The following EDNRA variants were observed in gnomAD, a reference collection of about 807,000 sequenced individuals.
EDNRA encodes the protein endothelin receptor type A.
A neutral mutation model predicts 41.4 loss-of-function variants in EDNRA; 11 were observed. That is an observed-to-expected ratio of 0.27 (90% CI 0.17 to 0.44). The LOEUF is 0.44. Among genes scored for constraint, EDNRA ranks in the 20% least tolerant of loss-of-function variants. The probability of loss-of-function intolerance (pLI) is 1.00; values close to 1 mark genes in which losing one functional copy is unlikely to be tolerated. For missense variants in EDNRA, 294 were observed against 531.0 expected, an observed-to-expected ratio of 0.55 and a Z score of 4.39; for synonymous variants, 172 against 183.0, an observed-to-expected ratio of 0.94 and a Z score of 0.49.
chr4:147,532,368 C>T, intron 3 of EDNRA, 138 bp from the exon 4 acceptor site: 1 of 553,370 alleles, frequency 1.8e-6, no homozygotes, highest in South Asian at 2.1e-5. Flanking sequence ...GGTTTTCATA[C>T]CAAGACTCAG....
At chr4:147,516,335 C>T (rs928099859) in intron 2 of EDNRA, among the ~76,000 whole-genome samples, 4 of 152,212 alleles carry the variant, frequency 2.6e-5, no homozygotes, top group South Asian at 2.1e-4. Context: ...ACAGTATTCT[C>T]CCACTTCCTC....
intron 2 of EDNRA, among the ~76,000 whole-genome samples, chr4:147,514,568 G>A (rs1303913002): frequency 6.6e-6 from 1 of 152,004 alleles, no homozygotes; most frequent in South Asian, 2.1e-4. Context: ...TTGCCTCCCA[G>A]GTTCAAGTGA....
At chr4:147,495,581 A>C (rs1729275330) in intron 2 of EDNRA, 1 of 152,202 alleles carries the variant, frequency 6.6e-6, no homozygotes, top group Non-Finnish European at 1.5e-5. Context: ...CAGAAAATAA[A>C]AAATAAATAA....
At chr4:147,504,767 C>A (rs1277176586) in intron 2 of EDNRA, among the ~76,000 whole-genome samples, 7 of 151,476 alleles carry the variant, frequency 4.6e-5, no homozygotes, top group Non-Finnish European at 1.0e-4. Context: ...CCAGCCTGGG[C>A]AACATGGCAA....
chr4:147,502,757 A>G (rs1027566841), intron 2 of EDNRA, among the ~76,000 whole-genome samples: 1 of 152,222 alleles, frequency 6.6e-6, no homozygotes, highest in South Asian at 2.1e-4. Flanking sequence ...CTTTACGGTG[A>G]CAACTGACTG....
At chr4:147,488,397 A>G (rs543609484) in intron 2 of EDNRA, 1 of 152,342 alleles carries the variant, frequency 6.6e-6, no homozygotes, top group East Asian at 1.9e-4. Context: ...AAAAATTAAC[A>G]TATTCTTATT....
At position 147,527,590 on chromosome 4, in the gene EDNRA, A is replaced by AAGTT. The variant is rs545468960; in HGVS notation, c.549-4915_549-4912dup. Reference sequence around the variant, plus strand: ...ATTTGTTTTATTTTATAATGTTTTAAAGTTCTTTCAAGAATAAACATTTTT... The same window carrying AAGTT: ...ATTTGTTTTATTTTATAATGTTTTAAAGTTAGTTCTTTCAAGAATAAACATTTTT... On this transcript the variant is annotated intron_variant, in intron 3 of 7. Transcript: ENST00000651419. Among the ~76,000 whole-genome samples the AAGTT allele has an allele frequency of 3.9e-3, 587 of 152,310 alleles. 5 individuals carry two copies. The highest frequency in any genetic ancestry group is 0.014 in the Middle Eastern group (4 of 294).
chr4:147,490,469 A>G (rs959747921), intron 2 of EDNRA: 9 of 152,150 alleles, frequency 5.9e-5, no homozygotes, highest in African/African-American at 2.2e-4. Context: ...CAAGCTTATA[A>G]CCCATACTGC....
chr4:147,520,574 G>T, intron 3 of EDNRA: 1 of 418,476 alleles, frequency 2.4e-6, no homozygotes. Context: ...TGAATTCTGT[G>T]AACTTCTAGA....
At chr4:147,495,958 A>G (rs1383919840) in intron 2 of EDNRA, 1 of 152,232 alleles carries the variant, frequency 6.6e-6, no homozygotes, top group Non-Finnish European at 1.5e-5. Flanking sequence ...TGCATATAAA[A>G]CGTACCTTTT....
intron 2 of EDNRA, among the ~76,000 whole-genome samples, chr4:147,505,213 AAAAG>A (rs1296118743): frequency 1.4e-3 from 171 of 123,206 alleles, no homozygotes; most frequent in African/African-American, 6.1e-3. Flanking sequence ...AAAAAAAAAA[AAAAG>A]AGAGAGAGAG....
chr4:147,519,876 A>G lies in EDNRA; in HGVS notation c.446A>G (p.Asp149Gly). 1 of 1,613,534 alleles carries G rather than the reference A, an allele frequency of 6.2e-7. No homozygotes were observed. Among genetic ancestry groups the G allele is most frequent in the Non-Finnish European group, 8.5e-7 (1 of 1,179,706 alleles). Residue 149 changes from aspartate to glycine, a missense_variant, in exon 3 of 8, where the codon GAT becomes GGT. Asp to Gly is a moderately conservative substitution (Grantham distance 94). Coordinates refer to ENST00000651419, the MANE Select transcript of EDNRA (RefSeq NM_001957.4). This position sits in a 1 kb window ranked among gnomAD's most constrained non-coding sequence, Gnocchi z 4.1. Reference sequence around the variant, plus strand: ...CTGCTGGCTGGGCGCTGGCCTTTTGATCACAATGACTTTGGCGTATTTCTT... The same window carrying G: ...CTGCTGGCTGGGCGCTGGCCTTTTGGTCACAATGACTTTGGCGTATTTCTT... ...FKLLAGRWPF[D>G]HNDFGVFLCK... is the part of the protein sequence containing the mutation.
intron 2 of EDNRA, chr4:147,494,212 G>A (rs150424328): frequency 6.6e-6 from 1 of 152,318 alleles, no homozygotes; most frequent in African/African-American, 2.4e-5. Context: ...ATTCAATAAA[G>A]ACATTGGGTA....
At chr4:147,532,838 A>G (rs1730795882) in intron 4 of EDNRA, 134 bp downstream of exon 4, 1 of 880,166 alleles carries the variant, frequency 1.1e-6, no homozygotes, top group Admixed American at 2.3e-5. Flanking sequence ...AGTTGCATGA[A>G]AAGTAGATGT....
intron 3 of EDNRA, among the ~76,000 whole-genome samples, chr4:147,528,664 G>GC (rs1037487514): frequency 2.6e-5 from 4 of 152,090 alleles, no homozygotes; most frequent in African/African-American, 4.8e-5. Flanking sequence ...AGAGGGGAGA[G>GC]CATAGATGAT....
intron 3 of EDNRA, among the ~76,000 whole-genome samples, chr4:147,530,941 A>G (rs1312552818): frequency 6.6e-6 from 1 of 152,204 alleles, no homozygotes; most frequent in Non-Finnish European, 1.5e-5. Context: ...TTTCTTTTCC[A>G]TTACGGCAGC....
At chr4:147,536,057 G>A (rs369103058) in intron 5 of EDNRA, 28 bp downstream of exon 5, 7 of 1,613,006 alleles carry the variant, frequency 4.3e-6, no homozygotes, top group African/African-American at 2.7e-5. Flanking sequence ...ATGAAAATCT[G>A]GCCAGGACTG....
chr4:147,491,287 T>C (rs188093102), intron 2 of EDNRA: 49 of 152,318 alleles, frequency 3.2e-4, no homozygotes, highest in African/African-American at 8.7e-4. Context: ...GACATCCACA[T>C]AGAGCCAGTT....
At chr4:147,534,219 A>T (rs898641050) in intron 4 of EDNRA, among the ~76,000 whole-genome samples, 2 of 152,176 alleles carry the variant, frequency 1.3e-5, no homozygotes, top group African/African-American at 2.4e-5. Context: ...ATGCACCCGG[A>T]AAAAGAGGAT....
Sources: gnomAD v4.1 joint callset for allele counts (sites outside exome capture counted in the v4.1 genomes callset) on GRCh38, gnomAD v4.1.1 for gene constraint, Gnocchi (gnomAD v3.1) non-coding constraint, MANE v1.5 for transcripts, NCBI Gene and HGNC (gene_info 2026-07-23, HGNC 2026-07-21) for gene names.